LDLRAD1: variants seen among roughly 807,000 people sequenced by gnomAD.
LDLRAD1 encodes low density lipoprotein receptor class A domain containing 1, also known as low-density lipoprotein receptor class A domain-containing protein 1.
LDLRAD1 carries 17 observed loss-of-function variants against 24.8 expected under a neutral mutation model. The observed-to-expected ratio is 0.69, with a 90% CI of 0.47 to 1.03. LDLRAD1 has a LOEUF of 1.03. Ranked by LOEUF, LDLRAD1 falls within the 50% of genes least tolerant of loss-of-function variation. The probability of loss-of-function intolerance (pLI) is 0.00; values close to 1 mark genes in which losing one functional copy is unlikely to be tolerated. For missense variants in LDLRAD1, 277 were observed against 271.0 expected (o/e 1.02, Z -0.16); for synonymous variants, 103 against 108.2 (o/e 0.95, Z 0.30).
intron 4 of LDLRAD1, among the ~76,000 whole-genome samples, chr1:54,011,876 C>T (rs1260248487): frequency 6.6e-5 from 10 of 152,172 alleles, no homozygotes; most frequent in Non-Finnish European, 1.5e-5. Context: ...GGGAAGGCTT[C>T]CTGGAGGAGG....
intron 3 of LDLRAD1, among the ~76,000 whole-genome samples, chr1:54,013,770 C>G (rs898052152): frequency 4.6e-5 from 7 of 152,160 alleles, no homozygotes; most frequent in Non-Finnish European, 1.0e-4. Context: ...GCTCTCGGAA[C>G]AGTTATTAGC....
intron 3 of LDLRAD1, among the ~76,000 whole-genome samples, chr1:54,012,948 T>A (rs984905431): frequency 1.3e-5 from 2 of 152,120 alleles, no homozygotes; most frequent in African/African-American, 2.4e-5. Context: ...TGGCCCCACA[T>A]GTGTATACGT....
intron 3 of LDLRAD1, 44 bp downstream of exon 3, chr1:54,014,192 C>G (rs770593287): frequency 3.2e-6 from 5 of 1,558,766 alleles, no homozygotes; most frequent in Non-Finnish European, 4.3e-6. Context: ...CCCTCCCATG[C>G]CCTCCCCGCC....
At chr1:54,017,118 A>G (rs377068509) in intron 2 of LDLRAD1, among the ~76,000 whole-genome samples, 1 of 152,232 alleles carries the variant, frequency 6.6e-6, no homozygotes, top group Non-Finnish European at 1.5e-5. Flanking sequence ...TGGGCACTGT[A>G]TGCAGTTTGG....
intron 3 of LDLRAD1, among the ~76,000 whole-genome samples, chr1:54,013,667 C>T (rs1656161420): frequency 6.6e-6 from 1 of 152,158 alleles, no homozygotes; most frequent in Non-Finnish European, 1.5e-5. Context: ...CCCCCCACTA[C>T]TAATACCCAT....
chr1:54,014,304 A>C lies in LDLRAD1; in HGVS notation c.134T>G (p.Leu45Arg), dbSNP rs1047034814. ...GAGGGCCGCCACAGTTGCCAGGAGG[A>C]GCAGCAGAGAGGCAGAGAGGCAGGC... ...RGACLSASLLLLLATVAALIA... is the reference protein window; with the variant it reads ...RGACLSASLLRLLATVAALIA... The change falls in exon 3 of 6, where the codon CTC becomes CGC. Residue 45 changes from leucine (L) to arginine (R), a missense_variant. By Grantham distance (102) the Leu-to-Arg change is moderately radical. Coordinates refer to ENST00000371360, the MANE Select transcript of LDLRAD1 (RefSeq NM_001010978.4). 42 of 1,549,796 alleles carry C rather than the reference A, an allele frequency of 2.7e-5. No homozygotes were observed. In the African/African-American group the frequency reaches 5.6e-4, roughly 21 times the overall value.
At chr1:54,017,898 C>G (rs1656380332) in intron 1 of LDLRAD1, among the ~76,000 whole-genome samples, 194 bp downstream of exon 1, 1 of 152,104 alleles carries the variant, frequency 6.6e-6, no homozygotes, top group African/African-American at 2.4e-5. Context: ...CCATGTATGC[C>G]CACTCTCTAC....
rs1655925170 is a variant in LDLRAD1, at chr1:54,008,932, G to GT, written c.*49dup. The GT allele has an allele frequency of 6.4e-6, 10 of 1,561,910 alleles. No individual in the cohort carries two copies. Among genetic ancestry groups the GT allele is most frequent in the Non-Finnish European group, 8.7e-6 (10 of 1,145,380 alleles). On this transcript the variant is annotated 3_prime_UTR_variant, in exon 6 of 6. Transcript: ENST00000371360. ...CTAGGATTTGATTTTCATGTGAAGGGTTATCAGTGCCATTCCAGCCAGCCT... is the reference window on the plus strand; with the variant it reads ...CTAGGATTTGATTTTCATGTGAAGGGTTTATCAGTGCCATTCCAGCCAGCCT...
In LDLRAD1 at chr1:54,017,426, C is replaced by T. The variant is rs998694441; in HGVS notation, c.23G>A (p.Gly8Glu). MNKVFPQ[G>E]ENGYTAAESK... is the part of the protein sequence containing the mutation. ...TTCAGCAGCAGTGTAGCCATTCTCT[C>T]CCTGCCCAAGAGAACAGAGTGAGGG... is the stretch of plus-strand genomic sequence containing the variant. The change falls in exon 2 of 6, where the codon GGA becomes GAA. Residue 8 changes from glycine (G) to glutamate (E), a missense_variant and splice_region_variant. By Grantham distance (98) the Gly-to-Glu change is moderately conservative. Coordinates refer to ENST00000371360, the MANE Select transcript of LDLRAD1 (RefSeq NM_001010978.4). 4 of 1,601,148 alleles carry T rather than the reference C, an allele frequency of 2.5e-6. No homozygotes were observed. The African/African-American group carries it at 4.0e-5, about 16-fold the overall frequency.
chr1:54,017,821 G>T (rs1479402711), intron 1 of LDLRAD1, among the ~76,000 whole-genome samples: 1 of 152,088 alleles, frequency 6.6e-6, no homozygotes, highest in Non-Finnish European at 1.5e-5. Flanking sequence ...TGGGTCATTG[G>T]TAGGGTCCCC....
At position 54,017,936 on chromosome 1, in the gene LDLRAD1, C is replaced by T. The variant is rs537163232; in HGVS notation, c.21+156G>A. Among the ~76,000 whole-genome samples the T allele has an allele frequency of 5.9e-5, 9 of 152,280 alleles. No individual in the cohort carries two copies. In the South Asian group the frequency reaches 1.5e-3, roughly 25 times the overall value. On this transcript the variant is annotated intron_variant, in intron 1 of 5. Coordinates refer to ENST00000371360, the MANE Select transcript of LDLRAD1 (RefSeq NM_001010978.4). Reference sequence around the variant, plus strand: ...CCCACTCCTCATCCCAAGGTTTGCTCTCCCAAGATCAGGAGCCTGGTCAGG... The same window carrying T: ...CCCACTCCTCATCCCAAGGTTTGCTTTCCCAAGATCAGGAGCCTGGTCAGG...
At chr1:54,009,238 C>T (rs1478283797) in intron 5 of LDLRAD1, 108 bp from the exon 6 acceptor site, 17 of 1,023,342 alleles carry the variant, frequency 1.7e-5, no homozygotes, top group Middle Eastern at 6.4e-4. Context: ...ATGGCCCCAA[C>T]CCATCTGACG....
Position 54,010,274 on chromosome 1 carries a change from A to T in LDLRAD1, c.469+8T>A. ...CAGCCCCAGCCCAGCCTGTGCCCAG[A>T]CCCCTACCTGGGCTCAGTTCATCTG... On this transcript the variant is annotated splice_region_variant and intron_variant, in intron 5 of 5. Coordinates refer to ENST00000371360, the MANE Select transcript of LDLRAD1 (RefSeq NM_001010978.4). 1.2e-6 allele frequency: 2 copies of T among 1,613,586 alleles called. No individual in the cohort carries two copies. The highest frequency in any genetic ancestry group is 2.7e-5 in the African/African-American group (2 of 74,898).
intron 3 of LDLRAD1, 45 bp from the exon 4 acceptor site, chr1:54,012,325 A>T: frequency 5.6e-6 from 9 of 1,607,722 alleles, no homozygotes; most frequent in Non-Finnish European, 7.7e-6. Context: ...GGTGGTGCTC[A>T]CAAGGACAAA....
intron 2 of LDLRAD1, 77 bp downstream of exon 2, chr1:54,017,299 C>T: frequency 8.1e-7 from 1 of 1,237,380 alleles, no homozygotes; most frequent in Non-Finnish European, 1.2e-6. Context: ...CTTGAACCCT[C>T]CTCATGTCTC....
At chr1:54,017,952 C>A in intron 1 of LDLRAD1, 140 bp downstream of exon 1, 1 of 803,980 alleles carries the variant, frequency 1.2e-6, no homozygotes, top group Non-Finnish European at 2.2e-6. Flanking sequence ...AGATCAGGAG[C>A]CTGGTCAGGG....
Position 54,009,111 on chromosome 1 carries a change from G to A in LDLRAD1, c.489C>T (p.Cys163=), listed in dbSNP as rs753030114. The A allele has an allele frequency of 2.0e-5, 33 of 1,613,702 alleles. No individual in the cohort carries two copies. Among genetic ancestry groups the A allele is most frequent in the Admixed American group, 1.8e-4 (11 of 59,998 alleles). Residue 163 remains cysteine, a synonymous_variant, in exon 6 of 6, where the codon TGC becomes TGT. Transcript: ENST00000371360. ...AAGGACAGCGCCACCACCCAGGGCCGCAGGGTGGGCACACAGTTACTGCAG... is the reference window on the plus strand; with the variant it reads ...AAGGACAGCGCCACCACCCAGGGCCACAGGGTGGGCACACAGTTACTGCAG... The part of the protein sequence containing the change: ...ELSPVTVCPP[C]GPGWWRCPST...
At chr1:54,014,866 A>G (rs1463130103) in intron 2 of LDLRAD1, among the ~76,000 whole-genome samples, 1 of 152,190 alleles carries the variant, frequency 6.6e-6, no homozygotes, top group East Asian at 1.9e-4. Context: ...CCTTTCCACG[A>G]TCCCAATTGA....
chr1:54,015,255 C>T (rs1656254667), intron 2 of LDLRAD1, among the ~76,000 whole-genome samples: 1 of 152,158 alleles, frequency 6.6e-6, no homozygotes, highest in African/African-American at 2.4e-5. Flanking sequence ...CAGGCGTGCA[C>T]CACTGTGTCT....
Sources: gnomAD v4.1 joint callset for allele counts (sites outside exome capture counted in the v4.1 genomes callset) on GRCh38, gnomAD v4.1.1 for gene constraint, MANE v1.5 for transcripts, NCBI Gene and HGNC (gene_info 2026-07-23, HGNC 2026-07-21) for gene names.